The following MECOM variants were observed in gnomAD, a reference collection of about 807,000 sequenced individuals.
MECOM encodes MDS1 and EVI1 complex locus.
In MECOM, 13 loss-of-function variants were observed where a neutral mutation model predicts 116.3. That is an observed-to-expected ratio of 0.11 (90% CI 0.07 to 0.18). MECOM has a LOEUF of 0.18. Ranked by LOEUF, MECOM falls within the 10% of genes least tolerant of loss-of-function variation. MECOM has a pLI of 1.00. For missense variants in MECOM, 1,299 were observed against 1,509.0 expected (o/e 0.86, Z 2.31); for synonymous variants, 528 against 535.2 (o/e 0.99, Z 0.19).
At position 169,131,965 on chromosome 3, in the gene MECOM, C is replaced by T. The variant is rs577008775; in HGVS notation, c.511-434G>A. On this transcript the variant is annotated intron_variant, in intron 3 of 16. Coordinates refer to ENST00000651503, the MANE Select transcript of MECOM (RefSeq NM_004991.4). ...TACCTTCCCCACTTAAGCAAGTTTG[C>T]AAAAGTAGCGCCTTCTCAACAACGT... is the stretch of plus-strand genomic sequence containing the variant. 1.5e-5 allele frequency: 15 copies of T among 993,650 alleles called. No individual in the cohort carries two copies. In the South Asian group the frequency reaches 3.6e-4, roughly 24 times the overall value. 61.6% of individuals were successfully genotyped at this position (993,650 alleles called of 1,614,324 possible). A position where few individuals can be genotyped will look rare whatever the true frequency, so the allele number is the denominator to read the frequency against.
At chr3:169,114,668 C>G (rs1223486912) in intron 8 of MECOM, among the ~76,000 whole-genome samples, 1 of 151,730 alleles carries the variant, frequency 6.6e-6, no homozygotes, top group Admixed American at 6.6e-5. Flanking sequence ...ATTATTCATA[C>G]CCATTTAAAG....
At chr3:169,235,634 C>T (rs938292171) in intron 2 of MECOM, among the ~76,000 whole-genome samples, 1 of 151,938 alleles carries the variant, frequency 6.6e-6, no homozygotes, top group African/African-American at 2.4e-5. Context: ...AAGTGATAGA[C>T]TCTATGGATA....
At chr3:169,164,830 C>T (rs1287358023) in intron 2 of MECOM, among the ~76,000 whole-genome samples, 1 of 152,064 alleles carries the variant, frequency 6.6e-6, no homozygotes. Context: ...CATATCTGTC[C>T]TTGCTATTTG....
intron 1 of MECOM, chr3:169,389,436 A>C (rs1733896166): frequency 2.5e-6 from 1 of 393,774 alleles, no homozygotes. Flanking sequence ...TATCCACTGG[A>C]ATGACCAGGT....
intron 2 of MECOM, among the ~76,000 whole-genome samples, chr3:169,343,667 T>C (rs1470653145): frequency 2.0e-5 from 3 of 152,208 alleles, no homozygotes; most frequent in African/African-American, 7.2e-5. Flanking sequence ...AATAAGTCTT[T>C]ATAACTGTTT....
intron 2 of MECOM, among the ~76,000 whole-genome samples, chr3:169,362,974 G>A (rs773748416): frequency 4.0e-5 from 6 of 151,884 alleles, no homozygotes; most frequent in East Asian, 3.9e-4. Context: ...TTCTGTGTAC[G>A]CTGATGACAT....
At chr3:169,524,129 T>C (rs1011616847) in intron 1 of MECOM, among the ~76,000 whole-genome samples, 1 of 151,054 alleles carries the variant, frequency 6.6e-6, no homozygotes, top group African/African-American at 2.4e-5. Flanking sequence ...ATCTTATCCC[T>C]GAACCTATCA....
At chr3:169,123,533 A>G (rs536224768) in intron 5 of MECOM, among the ~76,000 whole-genome samples, 1 of 152,194 alleles carries the variant, frequency 6.6e-6, no homozygotes, top group Admixed American at 6.5e-5. Flanking sequence ...TGTATATGAA[A>G]TCTGCATGAA....
chr3:169,143,876 A>G (rs1228939099), intron 2 of MECOM, 44 bp from the exon 3 acceptor site: 1 of 1,520,638 alleles, frequency 6.6e-7, no homozygotes, highest in East Asian at 2.4e-5. Flanking sequence ...ATATTGGCCC[A>G]CTCATTAAAA....
intron 1 of MECOM, among the ~76,000 whole-genome samples, chr3:169,569,767 GTTCTTTGAAACTTA>G (rs1314531088): frequency 6.6e-5 from 10 of 152,076 alleles, no homozygotes; most frequent in African/African-American, 2.2e-4. Context: ...AAATAAATAA[GTTCTTTGAAACTTA>G]TTTCAAAGAA....
Position 169,128,053 on chromosome 3 carries a change from C to A in MECOM, c.621G>T (p.Arg207=), listed in dbSNP as rs1376701497. ...ETMAPDIHEE[R]QYRCEDCDQL... is the part of the protein sequence containing the mutation. ...GGTCACAGTCTTCGCAGCGATATTG[C>A]CGTTCTTCTGTGAAAACAATTCAGG... The change falls in exon 5 of 17, where the codon CGG becomes CGT. Residue 207 remains arginine (R), a synonymous_variant. Coordinates refer to ENST00000651503, the MANE Select transcript of MECOM (RefSeq NM_004991.4). The A allele has an allele frequency of 6.2e-7, 1 of 1,613,932 alleles. No individual in the cohort carries two copies.
intron 2 of MECOM, among the ~76,000 whole-genome samples, chr3:169,156,139 C>A (rs1459697824): frequency 6.6e-6 from 1 of 152,134 alleles, no homozygotes; most frequent in Non-Finnish European, 1.5e-5. Context: ...GAGGTCAACT[C>A]AGAGAGCTAA....
intron 1 of MECOM, among the ~76,000 whole-genome samples, chr3:169,465,086 C>G (rs1383753878): frequency 6.6e-6 from 1 of 152,104 alleles, no homozygotes; most frequent in African/African-American, 2.4e-5. Flanking sequence ...TTATTACTAA[C>G]AAATTTCTCA....
At chr3:169,198,003 A>G (rs1748654654) in intron 2 of MECOM, among the ~76,000 whole-genome samples, 2 of 152,054 alleles carry the variant, frequency 1.3e-5, no homozygotes, top group South Asian at 4.1e-4. Context: ...ATACCAAATC[A>G]TGTTCCTTTT....
intron 2 of MECOM, chr3:169,149,513 G>T (rs1050163951): frequency 4.1e-5 from 11 of 266,124 alleles, no homozygotes; most frequent in Non-Finnish European, 7.8e-6. Context: ...CCGAAATAAA[G>T]CGCAGCGCCG....
intron 10 of MECOM, among the ~76,000 whole-genome samples, chr3:169,107,484 T>C (rs1205120216): frequency 5.3e-5 from 8 of 152,162 alleles, no homozygotes; most frequent in Admixed American, 5.2e-4. Context: ...CCCTAGGATA[T>C]ATAGATGTGA....
chr3:169,147,554 C>T (rs1188251447), intron 2 of MECOM: 1 of 985,326 alleles, frequency 1.0e-6, no homozygotes, highest in Non-Finnish European at 1.2e-6. Context: ...AAAAAGGTCG[C>T]CAAGACCCAA....
intron 2 of MECOM, among the ~76,000 whole-genome samples, chr3:169,337,671 G>T (rs1723798232): frequency 6.6e-6 from 1 of 152,102 alleles, no homozygotes; most frequent in Non-Finnish European, 1.5e-5. Context: ...AAACTCTGAA[G>T]CCCGAGCCAA....
intron 1 of MECOM, among the ~76,000 whole-genome samples, chr3:169,411,957 C>A (rs1737626672): frequency 6.6e-6 from 1 of 152,090 alleles, no homozygotes; most frequent in African/African-American, 2.4e-5. Context: ...AGCCACTGCA[C>A]TCCAGCCTGT....
Sources: gnomAD v4.1 joint callset for allele counts (sites outside exome capture counted in the v4.1 genomes callset) on GRCh38, gnomAD v4.1.1 for gene constraint, MANE v1.5 for transcripts, NCBI Gene and HGNC (gene_info 2026-07-23, HGNC 2026-07-21) for gene names.